Variants in CDH13 observed in about 807,000 individuals in gnomAD.
CDH13 encodes the protein cadherin-13.
Under a neutral mutation model 63.8 loss-of-function variants are expected in CDH13, and 24 were observed. The ratio of observed to expected loss-of-function variants is 0.38; its 90% confidence interval spans 0.27 to 0.53. CDH13 has a LOEUF of 0.53. Among genes scored for constraint, CDH13 ranks in the 20% least tolerant of loss-of-function variants. The pLI, the probability that CDH13 is intolerant of heterozygous loss-of-function variation, is 0.85. For synonymous variants in CDH13, 503 were observed against 355.3 expected (o/e 1.42, Z -4.67); for missense variants, 1,049 against 903.1 (o/e 1.16, Z -2.07).
At chr16:83,236,746 A>C (rs1285002230) in intron 5 of CDH13, among the ~76,000 whole-genome samples, 2 of 152,116 alleles carry the variant, frequency 1.3e-5, no homozygotes, top group African/African-American at 4.8e-5. Context: ...TTGCAATGGA[A>C]TATTATACAG....
intron 2 of CDH13, among the ~76,000 whole-genome samples, chr16:82,956,087 C>T (rs1220893518): frequency 3.9e-5 from 6 of 152,132 alleles, no homozygotes; most frequent in Non-Finnish European, 5.9e-5. Flanking sequence ...AACCTCAACC[C>T]AGCCCCAGAC....
At chr16:83,558,756 C>T (rs1460466651) in intron 7 of CDH13, among the ~76,000 whole-genome samples, 2 of 152,046 alleles carry the variant, frequency 1.3e-5, no homozygotes, top group African/African-American at 4.8e-5. Context: ...TATGTGGGCC[C>T]TTGTTATGAA....
At chr16:82,917,635 G>A (rs567811134) in intron 2 of CDH13, among the ~76,000 whole-genome samples, 1 of 152,320 alleles carries the variant, frequency 6.6e-6, no homozygotes, top group South Asian at 2.1e-4. Context: ...ATATAGGCCA[G>A]GTACCATGGC....
intron 2 of CDH13, among the ~76,000 whole-genome samples, chr16:82,971,416 A>G (rs1402877908): frequency 1.2e-4 from 19 of 152,226 alleles, no homozygotes; most frequent in Admixed American, 1.2e-3. Context: ...CTAGGACAGC[A>G]AAGCATAAGG....
intron 5 of CDH13, among the ~76,000 whole-genome samples, chr16:83,227,061 C>T (rs759107953): frequency 6.6e-6 from 1 of 152,170 alleles, no homozygotes; most frequent in Non-Finnish European, 1.5e-5. Context: ...GTGTTGAAGA[C>T]CCTTGGGTTC....
In CDH13 at chr16:82,781,911, G is replaced by C. The variant is rs77181046; in HGVS notation, c.46-76451G>C. 1.9e-3 allele frequency among the ~76,000 whole-genome samples: 297 copies of C among 152,360 alleles called. 3 individuals are homozygous for C. In the East Asian group the frequency reaches 0.049, roughly 25 times the overall value. On this transcript the variant is annotated intron_variant, in intron 1 of 13. Coordinates refer to ENST00000567109, the MANE Select transcript of CDH13 (RefSeq NM_001257.5). ...CTACAGAGAACTGTGCCGTGTTGCT[G>C]TGGGAACTCTAAAGAAAGAATGGTT...
chr16:82,745,428 C>G (rs2034118414), intron 1 of CDH13, among the ~76,000 whole-genome samples: 1 of 152,114 alleles, frequency 6.6e-6, no homozygotes, highest in African/African-American at 2.4e-5. Flanking sequence ...TACGGTGAAA[C>G]CCCGTCTCTA....
At chr16:83,769,777 C>T (rs707235) in intron 11 of CDH13, among the ~76,000 whole-genome samples, 91,822 of 151,964 alleles carry the variant, frequency 0.6, 28,444 homozygotes, top group Admixed American at 0.71. Context: ...GAAGAGATCA[C>T]TGGGGCACGT....
At chr16:83,577,994 G>A (rs1905208094) in intron 7 of CDH13, among the ~76,000 whole-genome samples, 1 of 152,062 alleles carries the variant, frequency 6.6e-6, no homozygotes, top group African/African-American at 2.4e-5. Flanking sequence ...TGCATAACCT[G>A]CCTTTGCTTC....
At chr16:83,060,629 T>G (rs560919510) in intron 3 of CDH13, among the ~76,000 whole-genome samples, 11 of 152,340 alleles carry the variant, frequency 7.2e-5, no homozygotes, top group African/African-American at 2.4e-4. Flanking sequence ...TCCGGAAAAG[T>G]TGAGCTCAGA....
Position 83,179,481 on chromosome 16 carries a change from T to TAAAAAAAAAAAAAAAAAAAAAAA in CDH13, c.484-37843_484-37842insAAAAAAAAAAAAAAAAAAAAAAA, listed in dbSNP as rs565547312. ...TAACACAGTGAAACCCCGTCTCTAC[T>TAAAAAAAAAAAAAAAAAAAAAAA]AAAAAAAAAAAAAAAAAAAAATTAG... is the stretch of plus-strand genomic sequence containing the variant. On this transcript the variant is annotated intron_variant, in intron 4 of 13. Coordinates refer to ENST00000567109, the MANE Select transcript of CDH13 (RefSeq NM_001257.5). Among the ~76,000 whole-genome samples the TAAAAAAAAAAAAAAAAAAAAAAA allele has an allele frequency of 5.8e-5, 4 of 69,080 alleles. 1 individual carries two copies. The highest frequency in any genetic ancestry group is 4.8e-4 in the South Asian group (1 of 2,090). 45.3% of individuals were successfully genotyped at this position (69,080 alleles called of 152,430 possible). A position where few individuals can be genotyped will look rare whatever the true frequency, so the allele number is the denominator to read the frequency against.
chr16:83,281,346 C>G (rs189529088), intron 5 of CDH13, among the ~76,000 whole-genome samples: 1 of 152,164 alleles, frequency 6.6e-6, no homozygotes, highest in Non-Finnish European at 1.5e-5. Context: ...CCTCTCTCAG[C>G]CTTTATAGCA....
chr16:82,998,751 A>G lies in CDH13; in HGVS notation c.158-33259A>G, dbSNP rs978098797. 6.6e-5 allele frequency among the ~76,000 whole-genome samples: 10 copies of G among 152,252 alleles called. No individual in the cohort carries two copies. The East Asian group carries it at 1.9e-3, about 29-fold the overall frequency. ...CATATCCTTAGAATAACATATACAT[A>G]TAAGCAAAAATTAAATATAATCTTA... On this transcript the variant is annotated intron_variant, in intron 2 of 13. Transcript: ENST00000567109.
chr16:82,931,975 A>G (rs1373525623), intron 2 of CDH13, among the ~76,000 whole-genome samples: 1 of 152,150 alleles, frequency 6.6e-6, no homozygotes, highest in African/African-American at 2.4e-5. Flanking sequence ...TTCAGAAAGC[A>G]TCTTCAGAAT....
Position 83,760,091 on chromosome 16 carries a change from G to T in CDH13, c.1681+11841G>T, listed in dbSNP as rs1913841170. On this transcript the variant is annotated intron_variant, in intron 11 of 13. Transcript: ENST00000567109. ...AAGATGCTCAACTTAATTAAATAAA[G>T]ATATATACATTAAATTATACAAATA... is the stretch of plus-strand genomic sequence containing the variant. Among the ~76,000 whole-genome samples the T allele has an allele frequency of 3.3e-5, 5 of 152,054 alleles. No homozygotes were observed. The South Asian group carries it at 1.0e-3, about 32-fold the overall frequency.
intron 3 of CDH13, among the ~76,000 whole-genome samples, chr16:83,061,177 C>T (rs143143219): frequency 6.6e-6 from 1 of 152,184 alleles, no homozygotes; most frequent in Non-Finnish European, 1.5e-5. Flanking sequence ...ACCTAGGGCC[C>T]AGGTTTCCAG....
chr16:83,424,585 G>A (rs927035250), intron 6 of CDH13, among the ~76,000 whole-genome samples: 1 of 151,764 alleles, frequency 6.6e-6, no homozygotes, highest in African/African-American at 2.4e-5. Context: ...AAATAATATT[G>A]GACTATTAAT....
At chr16:82,815,923 A>G (rs909111134) in intron 1 of CDH13, among the ~76,000 whole-genome samples, 3 of 152,212 alleles carry the variant, frequency 2.0e-5, no homozygotes, top group African/African-American at 7.2e-5. Context: ...TTCTGAATGC[A>G]AGACACGTGT....
intron 1 of CDH13, among the ~76,000 whole-genome samples, chr16:82,832,221 A>C (rs528561458): frequency 7.3e-6 from 1 of 136,380 alleles, no homozygotes; most frequent in South Asian, 2.7e-4. Flanking sequence ...CAAGTGGCCT[A>C]GTGAAATCTC....
Sources: gnomAD v4.1 joint callset for allele counts (sites outside exome capture counted in the v4.1 genomes callset) on GRCh38, gnomAD v4.1.1 for gene constraint, MANE v1.5 for transcripts, NCBI Gene and HGNC (gene_info 2026-07-23, HGNC 2026-07-21) for gene names.